Variants in BTC observed in about 807,000 individuals in gnomAD.
BTC encodes the protein betacellulin, also known as probetacellulin.
BTC carries 13 observed loss-of-function variants against 18.1 expected under a neutral mutation model. The observed-to-expected ratio is 0.72, with a 90% confidence interval of 0.47 to 1.14. The LOEUF (loss-of-function observed/expected upper bound fraction) is 1.14, where lower values mean the gene tolerates loss of function less well. Among genes scored for constraint, BTC ranks in the 50% most tolerant of loss-of-function variants. The pLI, the probability that BTC is intolerant of heterozygous loss-of-function variation, is 0.00. For synonymous variants in BTC, 83 were observed against 79.4 expected (o/e 1.05, Z -0.24); for missense variants, 247 against 224.2 (o/e 1.10, Z -0.65).
At chr4:74,764,852 A>C (rs950450693) in intron 2 of BTC, among the ~76,000 whole-genome samples, 1 of 152,124 alleles carries the variant, frequency 6.6e-6, no homozygotes, top group Non-Finnish European at 1.5e-5. Context: ...TAAAGGAAAG[A>C]AGTTTAATTG....
At chr4:74,772,558 T>C (rs1246001888) in intron 1 of BTC, among the ~76,000 whole-genome samples, 1 of 151,494 alleles carries the variant, frequency 6.6e-6, no homozygotes, top group African/African-American at 2.4e-5. Context: ...TACTGGAAAA[T>C]AATAAAATAT....
intron 2 of BTC, among the ~76,000 whole-genome samples, chr4:74,758,780 C>T (rs1724671962): frequency 6.6e-6 from 1 of 152,226 alleles, no homozygotes; most frequent in South Asian, 2.1e-4. Context: ...TGATCGCTCA[C>T]AGAGCTCTCT....
intron 1 of BTC, among the ~76,000 whole-genome samples, chr4:74,777,272 T>G (rs1037466338): frequency 2.6e-5 from 4 of 152,152 alleles, no homozygotes; most frequent in African/African-American, 9.7e-5. Flanking sequence ...AATGTAGCTG[T>G]GTGCTGAAAA....
chr4:74,773,590 T>C (rs1472063910), intron 1 of BTC, among the ~76,000 whole-genome samples: 1 of 151,414 alleles, frequency 6.6e-6, no homozygotes, highest in African/African-American at 2.4e-5. Context: ...CTTAAGGAGA[T>C]CACATTCTGG....
intron 4 of BTC, among the ~76,000 whole-genome samples, chr4:74,749,760 A>AAAG (rs1228350813): frequency 1.3e-5 from 2 of 148,806 alleles, no homozygotes; most frequent in African/African-American, 4.9e-5. Context: ...AAAAAAAAAA[A>AAAG]AAAAGTTCCC....
chr4:74,758,223 G>A (rs1375383244), intron 2 of BTC, among the ~76,000 whole-genome samples: 1 of 152,184 alleles, frequency 6.6e-6, no homozygotes, highest in African/African-American at 2.4e-5. Flanking sequence ...GAATGGCTGC[G>A]AATGAAAGTT....
At chr4:74,760,794 GCACAATCTCGGCT>G (rs1463992006) in intron 2 of BTC, among the ~76,000 whole-genome samples, 1 of 150,876 alleles carries the variant, frequency 6.6e-6, no homozygotes, top group Non-Finnish European at 1.5e-5. Context: ...GAGTGCAGTG[GCACAATCTCGGCT>G]CACTGCAAGC....
intron 2 of BTC, among the ~76,000 whole-genome samples, chr4:74,768,746 A>C (rs1724963322): frequency 6.6e-6 from 1 of 152,218 alleles, no homozygotes; most frequent in Non-Finnish European, 1.5e-5. Context: ...AAATGTTCTT[A>C]CTACAATAAA....
At chr4:74,767,930 G>T (rs1577958819) in intron 2 of BTC, among the ~76,000 whole-genome samples, 1 of 152,078 alleles carries the variant, frequency 6.6e-6, no homozygotes, top group African/African-American at 2.4e-5. Flanking sequence ...TAAAATTCCT[G>T]CAAGAAAACG....
chr4:74,781,629 C>T (rs1725334689), intron 1 of BTC, among the ~76,000 whole-genome samples: 1 of 152,014 alleles, frequency 6.6e-6, no homozygotes, highest in Non-Finnish European at 1.5e-5. Context: ...CTCAACTTTG[C>T]CAGCTCTTTT....
At chr4:74,751,032 C>G (rs1213601921) in intron 3 of BTC, among the ~76,000 whole-genome samples, 5 of 151,926 alleles carry the variant, frequency 3.3e-5, no homozygotes, top group African/African-American at 1.2e-4. Context: ...GATAAAATTC[C>G]CAGTGCTTAA....
intron 3 of BTC, 46 bp from the exon 4 acceptor site, chr4:74,750,765 T>A: frequency 6.3e-7 from 1 of 1,585,908 alleles, no homozygotes; most frequent in Non-Finnish European, 8.6e-7. Flanking sequence ...GCAAGACTTT[T>A]AAGAATCTCT....
chr4:74,790,617 C>G (rs1725598904), intron 1 of BTC, among the ~76,000 whole-genome samples: 1 of 152,192 alleles, frequency 6.6e-6, no homozygotes, highest in South Asian at 2.1e-4. Flanking sequence ...GGAGCATCCT[C>G]TAGGTGTTGG....
chr4:74,764,669 C>A (rs917153236), intron 2 of BTC, among the ~76,000 whole-genome samples: 7 of 152,050 alleles, frequency 4.6e-5, no homozygotes, highest in African/African-American at 1.7e-4. Context: ...AAAATAATGT[C>A]TTTTGTAGCA....
chr4:74,761,323 C>T (rs370450881), intron 2 of BTC, among the ~76,000 whole-genome samples: 1 of 152,160 alleles, frequency 6.6e-6, no homozygotes, highest in African/African-American at 2.4e-5. Context: ...GGCTCCTCCT[C>T]GCCTCCCTGA....
At chr4:74,783,587 CT>C (rs71220728) in intron 1 of BTC, among the ~76,000 whole-genome samples, 4,435 of 83,496 alleles carry the variant, frequency 0.053, 193 homozygotes, top group African/African-American at 0.16. Flanking sequence ...CTATTCGGCT[CT>C]TTTTTTTTTT....
chr4:74,779,887 G>T (rs1447638230), intron 1 of BTC, among the ~76,000 whole-genome samples: 2 of 152,054 alleles, frequency 1.3e-5, no homozygotes, highest in Non-Finnish European at 2.9e-5. Flanking sequence ...TATAAATAAA[G>T]AAATATTAGG....
At chr4:74,771,524 A>G (rs1725038818) in intron 1 of BTC, among the ~76,000 whole-genome samples, 3 of 152,168 alleles carry the variant, frequency 2.0e-5, no homozygotes, top group South Asian at 4.1e-4. Flanking sequence ...CCAATTAACC[A>G]TAACACAAAG....
intron 1 of BTC, among the ~76,000 whole-genome samples, chr4:74,775,642 T>C (rs886982134): frequency 6.6e-6 from 1 of 152,198 alleles, no homozygotes; most frequent in Admixed American, 6.5e-5. Context: ...ATTCATCAAT[T>C]CTTTCAATCA....
Sources: gnomAD v4.1 joint callset for allele counts (sites outside exome capture counted in the v4.1 genomes callset) on GRCh38, gnomAD v4.1.1 for gene constraint, MANE v1.5 for transcripts, NCBI Gene and HGNC (gene_info 2026-07-23, HGNC 2026-07-21) for gene names.